The following PIK3C2A variants were observed in gnomAD, a reference collection of about 807,000 sequenced individuals.
PIK3C2A encodes the protein phosphatidylinositol-4-phosphate 3-kinase catalytic subunit type 2 alpha, also known as phosphatidylinositol 4-phosphate 3-kinase C2 domain-containing subunit alpha.
In PIK3C2A, 97 loss-of-function variants were observed where a neutral mutation model predicts 204.5. The ratio of observed to expected loss-of-function variants is 0.47; its 90% CI spans 0.40 to 0.56. The LOEUF is 0.56. PIK3C2A is among the 20% of genes least tolerant of loss of function. The pLI, the probability that PIK3C2A is intolerant of heterozygous loss-of-function variation, is 0.00. For synonymous variants in PIK3C2A, 653 were observed against 664.4 expected (o/e 0.98, Z 0.26); for missense variants, 1,735 against 1,969.2 (o/e 0.88, Z 2.25).
intron 8 of PIK3C2A, among the ~76,000 whole-genome samples, chr11:17,143,843 G>A (rs1409479826): frequency 4.6e-5 from 7 of 152,092 alleles, no homozygotes; most frequent in Non-Finnish European, 8.8e-5. Flanking sequence ...AGGCTGAGGT[G>A]GGAGAATCAC....
chr11:17,105,781 A>G (rs1437608144), intron 22 of PIK3C2A, among the ~76,000 whole-genome samples: 3 of 152,162 alleles, frequency 2.0e-5, no homozygotes, highest in African/African-American at 4.8e-5. Flanking sequence ...AATCTTTGAC[A>G]TAGGAAACCA....
chr11:17,195,026 C>T (rs1852099563), intron 1 of PIK3C2A, among the ~76,000 whole-genome samples: 1 of 152,220 alleles, frequency 6.6e-6, no homozygotes, highest in South Asian at 2.1e-4. Context: ...AGTCACATTT[C>T]CAAGTTGAGG....
chr11:17,117,798 C>T, intron 18 of PIK3C2A, 127 bp from the exon 19 acceptor site: 2 of 544,898 alleles, frequency 3.7e-6, no homozygotes, highest in Non-Finnish European at 6.3e-6. Flanking sequence ...ACTGCAAGCT[C>T]TGCCTCCCGG....
intron 28 of PIK3C2A, 132 bp from the exon 29 acceptor site, chr11:17,092,408 G>A (rs988742328): frequency 1.1e-5 from 7 of 616,220 alleles, no homozygotes; most frequent in South Asian, 5.8e-5. Flanking sequence ...GGCCGGGCAC[G>A]GTGGCTCATG....
At chr11:17,107,269 C>T (rs1169816613) in intron 22 of PIK3C2A, among the ~76,000 whole-genome samples, 1 of 151,968 alleles carries the variant, frequency 6.6e-6, no homozygotes, top group East Asian at 1.9e-4. Context: ...GCTGAGATGG[C>T]GCCATTGCAC....
intron 21 of PIK3C2A, among the ~76,000 whole-genome samples, chr11:17,112,273 G>A (rs1023902730): frequency 3.9e-5 from 6 of 152,068 alleles, no homozygotes; most frequent in Non-Finnish European, 8.8e-5. Context: ...CCAACATGGC[G>A]AAACCCCGTC....
chr11:17,129,793 T>C (rs1477980349), intron 12 of PIK3C2A, among the ~76,000 whole-genome samples: 1 of 152,146 alleles, frequency 6.6e-6, no homozygotes, highest in Non-Finnish European at 1.5e-5. Context: ...GGTTTCACCA[T>C]GTTGGCCAGG....
chr11:17,106,465 T>C (rs906981516), intron 22 of PIK3C2A, among the ~76,000 whole-genome samples: 2 of 152,144 alleles, frequency 1.3e-5, no homozygotes, highest in African/African-American at 4.8e-5. Flanking sequence ...AAATTGTTCT[T>C]TATTTTCAAA....
intron 1 of PIK3C2A, among the ~76,000 whole-genome samples, chr11:17,198,836 A>C (rs887742885): frequency 6.6e-6 from 1 of 151,876 alleles, no homozygotes; most frequent in Non-Finnish European, 1.5e-5. Context: ...AAGCCACCTT[A>C]GTCTGGGCGC....
intron 28 of PIK3C2A, among the ~76,000 whole-genome samples, chr11:17,093,506 C>T (rs1590892839): frequency 1.3e-5 from 2 of 152,232 alleles, no homozygotes; most frequent in East Asian, 1.9e-4. Flanking sequence ...CCTCGTGATC[C>T]GCCCGCCTTG....
chr11:17,092,402 G>A (rs944940417), intron 28 of PIK3C2A, 126 bp from the exon 29 acceptor site: 28 of 625,488 alleles, frequency 4.5e-5, no homozygotes, highest in South Asian at 1.5e-4. Flanking sequence ...TTTTGTGGCC[G>A]GGCACGGTGG....
At chr11:17,122,478 T>G in intron 14 of PIK3C2A, 145 bp from the exon 15 acceptor site, 1 of 641,158 alleles carries the variant, frequency 1.6e-6, no homozygotes, top group East Asian at 2.6e-5. Flanking sequence ...TGCAATTGAT[T>G]ACCATTGTTG....
At position 17,145,691 on chromosome 11, in the gene PIK3C2A, C is replaced by A; in HGVS notation, c.1681G>T (p.Val561Leu). ...EELLDSYHNQ[V>L]ELALQIENQH... Reference sequence around the variant, plus strand: ...ACTTCAATTTGAAGAGCCAGTTCTACTTGGTTGTGATAAGAATCTAAGAGT... The same window carrying A: ...ACTTCAATTTGAAGAGCCAGTTCTAATTGGTTGTGATAAGAATCTAAGAGT... The change falls in exon 8 of 33, where the codon GTA becomes TTA. Residue 561 changes from valine (V) to leucine (L), a missense_variant. This residue lies in a region of PIK3C2A where 106 missense variants were observed against 108.2 expected (regional missense o/e 0.98). Coordinates refer to ENST00000691414, the MANE Select transcript of PIK3C2A (RefSeq NM_002645.4). The A allele has an allele frequency of 1.2e-6, 2 of 1,608,412 alleles. No homozygotes were observed. Among genetic ancestry groups the A allele is most frequent in the Non-Finnish European group, 1.7e-6 (2 of 1,175,464 alleles).
intron 1 of PIK3C2A, among the ~76,000 whole-genome samples, chr11:17,172,395 A>G (rs1300834115): frequency 6.6e-6 from 1 of 152,138 alleles, no homozygotes; most frequent in African/African-American, 2.4e-5. Flanking sequence ...AGCACCAACC[A>G]CCAAACATGT....
intron 1 of PIK3C2A, among the ~76,000 whole-genome samples, chr11:17,206,199 C>T (rs1852567746): frequency 6.6e-6 from 1 of 152,094 alleles, no homozygotes; most frequent in African/African-American, 2.4e-5. Flanking sequence ...GCATATAAAA[C>T]ACAAATAGCA....
At chr11:17,206,675 G>T (rs1482367368) in intron 1 of PIK3C2A, among the ~76,000 whole-genome samples, 1 of 151,798 alleles carries the variant, frequency 6.6e-6, no homozygotes, top group African/African-American at 2.4e-5. Flanking sequence ...AGCCAAGGAG[G>T]CAAAGGTACA....
chr11:17,148,751 A>C lies in PIK3C2A; in HGVS notation c.1364T>G (p.Leu455Arg). The C allele has an allele frequency of 6.2e-7, 1 of 1,612,510 alleles. No homozygotes were observed. The highest frequency in any genetic ancestry group is 8.5e-7 in the Non-Finnish European group (1 of 1,178,730). Residue 455 changes from leucine (L) to arginine (R), a missense_variant, in exon 5 of 33, where the codon CTT (leucine) becomes CGT (arginine). By Grantham distance (102) the Leu-to-Arg change is moderately radical. This residue lies in a region of PIK3C2A where 536 missense variants were observed against 546.7 expected (regional missense o/e 0.98). Transcript: ENST00000691414. ...STVEIIIMQA[L>R]CWVHDDLNQV... ...ATTCAAGTCATCATGTACCCAGCAA[A>C]GGGCTTGCATTATAATGATTTCTAC...
intron 4 of PIK3C2A, 25 bp downstream of exon 4, chr11:17,150,473 G>C (rs1234366469): frequency 1.3e-6 from 2 of 1,552,250 alleles, no homozygotes; most frequent in Admixed American, 4.2e-5. Flanking sequence ...AGCAAAACGA[G>C]AGGCTTGAGG....
At position 17,201,388 on chromosome 11, in the gene PIK3C2A, G is replaced by A. The variant is rs181578548; in HGVS notation, c.-66+6460C>T. ...CTAAAAATACAAAAATTAGCCGGGCGTGGTGACGTGTGCCTGTAATCCCAG... is the reference window on the plus strand; with the variant it reads ...CTAAAAATACAAAAATTAGCCGGGCATGGTGACGTGTGCCTGTAATCCCAG... On this transcript the variant is annotated intron_variant, in intron 1 of 32. Coordinates refer to ENST00000691414, the MANE Select transcript of PIK3C2A (RefSeq NM_002645.4). Among the ~76,000 whole-genome samples the A allele has an allele frequency of 1.7e-3, 264 of 151,120 alleles. 6 individuals carry two copies. In the South Asian group the frequency reaches 0.029, roughly 17 times the overall value.
Sources: gnomAD v4.1 joint callset for allele counts (sites outside exome capture counted in the v4.1 genomes callset) on GRCh38, gnomAD v4.1.1 for gene constraint, gnomAD v4.1.1 regional missense constraint, MANE v1.5 for transcripts, NCBI Gene and HGNC (gene_info 2026-07-23, HGNC 2026-07-21) for gene names.